Variants in COL11A1 observed in about 807,000 individuals in gnomAD.
The protein encoded by COL11A1 is collagen alpha-1(XI) chain.
A neutral mutation model predicts 265.2 loss-of-function variants in COL11A1; 74 were observed. That is an observed-to-expected ratio of 0.28 (90% CI 0.23 to 0.34). COL11A1 has a LOEUF of 0.34. COL11A1 is among the 10% of genes least tolerant of loss of function. The probability of loss-of-function intolerance (pLI) is 1.00; values close to 1 mark genes in which losing one functional copy is unlikely to be tolerated. For synonymous variants in COL11A1, 816 were observed against 727.6 expected (o/e 1.12, Z -1.96); for missense variants, 2,165 against 2,263.6 (o/e 0.96, Z 0.88).
chr1:103,064,974 A>T (rs1000108518), intron 4 of COL11A1, among the ~76,000 whole-genome samples: 5 of 152,128 alleles, frequency 3.3e-5, no homozygotes, highest in Non-Finnish European at 5.9e-5. Flanking sequence ...TGGTGAGTAC[A>T]TGTCATTACA....
intron 30 of COL11A1, among the ~76,000 whole-genome samples, chr1:102,985,013 CATTA>C (rs1663399269): frequency 6.6e-6 from 1 of 151,318 alleles, no homozygotes; most frequent in Non-Finnish European, 1.5e-5. Context: ...CTGAACAAAA[CATTA>C]ATTAAAAAAA....
At chr1:102,905,974 A>G (rs1653932831) in intron 54 of COL11A1, among the ~76,000 whole-genome samples, 2 of 152,286 alleles carry the variant, frequency 1.3e-5, no homozygotes, top group Admixed American at 1.3e-4. Context: ...TTTCATGTAT[A>G]CAACTAGGAT....
rs1284411325 is a variant in COL11A1 at position 102,877,924 on chromosome 1, A to G, written c.*95T>C. 3.0e-6 allele frequency: 4 copies of G among 1,319,956 alleles called. No individual in the cohort carries two copies. The highest frequency in any genetic ancestry group is 3.3e-6 in the Non-Finnish European group (3 of 914,960). 81.8% of individuals were successfully genotyped at this position (1,319,956 alleles called of 1,614,324 possible). A position where few individuals can be genotyped will look rare whatever the true frequency, so the allele number is the denominator to read the frequency against. ...ACCTGTATATGCAGCGTTGTTTTCT[A>G]TACCATCCTTATTCAAAACTTGCAT... On this transcript the variant is annotated 3_prime_UTR_variant, in exon 67 of 67. Transcript: ENST00000370096.
chr1:102,902,571 T>C (rs1653348406), intron 54 of COL11A1, among the ~76,000 whole-genome samples: 1 of 151,944 alleles, frequency 6.6e-6, no homozygotes. Context: ...GAACTATGAA[T>C]CTCCTAGAAA....
At chr1:103,029,777 T>A (rs1177011166) in intron 5 of COL11A1, among the ~76,000 whole-genome samples, 2 of 151,950 alleles carry the variant, frequency 1.3e-5, no homozygotes, top group African/African-American at 4.8e-5. Flanking sequence ...CATTTTTAAA[T>A]GAACTTAAGA....
intron 63 of COL11A1, 84 bp from the exon 64 acceptor site, chr1:102,883,395 A>T (rs1465253272): frequency 1.2e-5 from 11 of 882,202 alleles, no homozygotes; most frequent in Non-Finnish European, 1.9e-5. Flanking sequence ...TGTTAGAAAG[A>T]GAAATAAGGA....
intron 41 of COL11A1, among the ~76,000 whole-genome samples, chr1:102,951,564 G>A (rs573452314): frequency 2.0e-5 from 3 of 151,844 alleles, no homozygotes; most frequent in Admixed American, 6.6e-5. Flanking sequence ...GCGTGGTGGC[G>A]TCTCTACTAA....
At chr1:102,881,806 T>A (rs761140586) in intron 64 of COL11A1, 41 bp from the exon 65 acceptor site, 4 of 1,442,912 alleles carry the variant, frequency 2.8e-6, no homozygotes, top group Non-Finnish European at 3.9e-6. Context: ...TAGGTGAAAA[T>A]TTACAATATA....
chr1:103,015,703 G>T lies in COL11A1; in HGVS notation c.1453C>A (p.Leu485Ile), dbSNP rs536428525. 1.1e-5 allele frequency: 17 copies of T among 1,609,424 alleles called. No homozygotes were observed. The East Asian group carries it at 1.6e-4, about 15-fold the overall frequency. Reference protein sequence around the residue: ...GRPGLPGADGLPGPPGTMLML... With the variant: ...GRPGLPGADGIPGPPGTMLML... ...AACATAGTACCAGGAGGACCAGGTA[G>T]ACCATCAGCCCCTGGTAAGCCAGGA... Residue 485 changes from leucine (L) to isoleucine (I), a missense_variant, in exon 12 of 67, where the codon CTA (leucine) becomes ATA (isoleucine). Transcript: ENST00000370096.
At chr1:102,922,700 G>A (rs1378789678) in intron 47 of COL11A1, among the ~76,000 whole-genome samples, 1 of 152,122 alleles carries the variant, frequency 6.6e-6, no homozygotes, top group Non-Finnish European at 1.5e-5. Context: ...CTCCCGGCCA[G>A]CAAAGTTTTT....
intron 49 of COL11A1, among the ~76,000 whole-genome samples, chr1:102,916,096 C>T (rs140600505): frequency 2.0e-3 from 305 of 152,170 alleles, no homozygotes; most frequent in African/African-American, 6.5e-3. Context: ...TTAACTACAA[C>T]AAATCAACAG....
chr1:103,015,798 G>C, intron 11 of COL11A1, 56 bp from the exon 12 acceptor site: 1 of 1,219,534 alleles, frequency 8.2e-7, no homozygotes, highest in East Asian at 2.6e-5. Context: ...ATATTTACTA[G>C]AACTAGAATA....
Position 103,025,619 on chromosome 1 carries a change from G to C in COL11A1, c.898-6C>G. On this transcript the variant is annotated splice_region_variant and splice_polypyrimidine_tract_variant and intron_variant, in intron 6 of 66. Transcript: ENST00000370096. ...AAATCATCAACGATGTTTGCCTAATGGTAAATTCAGAAGAGAATTAGTAAA... is the reference window on the plus strand; with the variant it reads ...AAATCATCAACGATGTTTGCCTAATCGTAAATTCAGAAGAGAATTAGTAAA... 6.2e-7 allele frequency: 1 copy of C among 1,610,794 alleles called. No homozygotes were observed. Among genetic ancestry groups the C allele is most frequent in the South Asian group, 1.1e-5 (1 of 91,024 alleles).
At chr1:102,880,369 A>G (rs1024824011) in intron 65 of COL11A1, among the ~76,000 whole-genome samples, 2 of 152,148 alleles carry the variant, frequency 1.3e-5, no homozygotes, top group African/African-American at 4.8e-5. Flanking sequence ...AAATGTATCA[A>G]CTTTACCCAA....
At chr1:102,899,496 A>C (rs950534298) in intron 54 of COL11A1, among the ~76,000 whole-genome samples, 2 of 152,302 alleles carry the variant, frequency 1.3e-5, no homozygotes, top group East Asian at 3.9e-4. Flanking sequence ...CAACAGACAC[A>C]GTATTTTCAT....
intron 15 of COL11A1, among the ~76,000 whole-genome samples, chr1:103,008,129 G>A (rs1335506965): frequency 6.6e-6 from 1 of 151,986 alleles, no homozygotes; most frequent in East Asian, 1.9e-4. Context: ...AAAGTGTTGA[G>A]CAAAAAGTTC....
chr1:102,898,205 T>A, intron 56 of COL11A1, 27 bp from the exon 57 acceptor site: 1 of 1,158,490 alleles, frequency 8.6e-7, no homozygotes, highest in Non-Finnish European at 1.1e-6. Flanking sequence ...TGATTGATTT[T>A]TAAAATTAAT....
At chr1:103,003,434 T>C (rs1303092661) in intron 20 of COL11A1, among the ~76,000 whole-genome samples, 166 bp from the exon 21 acceptor site, 2 of 152,216 alleles carry the variant, frequency 1.3e-5, no homozygotes, top group African/African-American at 4.8e-5. Context: ...CTAGTGTTTA[T>C]ACTGATCCAA....
At chr1:102,931,979 T>G (rs1657508541) in intron 46 of COL11A1, among the ~76,000 whole-genome samples, 1 of 150,656 alleles carries the variant, frequency 6.6e-6, no homozygotes, top group East Asian at 1.9e-4. Flanking sequence ...TTTGAGCCTA[T>G]GTGTGTCTCT....
Sources: gnomAD v4.1 joint callset for allele counts (sites outside exome capture counted in the v4.1 genomes callset) on GRCh38, gnomAD v4.1.1 for gene constraint, MANE v1.5 for transcripts, NCBI Gene and HGNC (gene_info 2026-07-23, HGNC 2026-07-21) for gene names.